The following COL14A1 variants were observed in gnomAD, a reference collection of about 807,000 sequenced individuals.
COL14A1 encodes collagen alpha-1(XIV) chain.
In COL14A1, 136 loss-of-function variants were observed where a neutral mutation model predicts 230.3. The observed-to-expected ratio is 0.59, with a 90% confidence interval of 0.51 to 0.68. The LOEUF (loss-of-function observed/expected upper bound fraction) is 0.68, where lower values mean the gene tolerates loss of function less well. COL14A1 is among the 30% of genes least tolerant of loss of function. COL14A1 has a pLI of 0.00. For synonymous variants in COL14A1, 792 were observed against 784.1 expected, an observed-to-expected ratio of 1.01 and a Z score of -0.17; for missense variants, 1,976 against 2,215.8, an observed-to-expected ratio of 0.89 and a Z score of 2.17.
At position 120,278,123 on chromosome 8, in the gene COL14A1, C is replaced by T. The variant is rs764593772; in HGVS notation, c.3226C>T (p.Gln1076Ter). The T allele has an allele frequency of 3.1e-6, 5 of 1,605,538 alleles. No individual in the cohort carries two copies. Among genetic ancestry groups the T allele is most frequent in the Non-Finnish European group, 4.2e-6 (5 of 1,176,870 alleles). ...CTTCTCTCTCCAGGTTGCAATGGTT[C>T]AGTTCACTGATGATCCCAGAACAGA... ...GTDGTQVAMV[Q>*]FTDDPRTEFK... The change falls in exon 27 of 48, where the codon CAG (glutamine) becomes TAG (stop). Residue 1076 changes from glutamine to a stop codon, truncating the protein, a stop_gained. Coordinates refer to ENST00000297848, the MANE Select transcript of COL14A1 (RefSeq NM_021110.4). LOFTEE classifies it high-confidence loss of function.
chr8:120,262,850 G>A lies in COL14A1; in HGVS notation c.2870-18G>A. On this transcript the variant is annotated intron_variant, in intron 23 of 47. Transcript: ENST00000297848. ...TTTCATATGTGTGTGTTTTTGTTTT[G>A]TTTTGTTTTTATTATAGATAGGCAA... The A allele has an allele frequency of 4.4e-6, 7 of 1,584,260 alleles. No homozygotes were observed. Among genetic ancestry groups the A allele is most frequent in the Non-Finnish European group, 5.1e-6 (6 of 1,172,218 alleles).
intron 8 of COL14A1, among the ~76,000 whole-genome samples, chr8:120,203,013 T>TATATATATAC (rs1554606350): frequency 3.2e-4 from 41 of 126,494 alleles, no homozygotes; most frequent in African/African-American, 1.1e-3. Flanking sequence ...TATATATATA[T>TATATATATAC]ATATATATTT....
chr8:120,252,807 A>G (rs567301389), intron 22 of COL14A1, among the ~76,000 whole-genome samples: 3 of 152,310 alleles, frequency 2.0e-5, no homozygotes, highest in Non-Finnish European at 2.9e-5. Context: ...TCTAATCAAT[A>G]CTGTCAAGCA....
intron 45 of COL14A1, among the ~76,000 whole-genome samples, chr8:120,364,959 C>G (rs1467457633): frequency 6.6e-6 from 1 of 151,220 alleles, no homozygotes; most frequent in African/African-American, 2.4e-5. Context: ...ATAATTGTGT[C>G]TTTAGGCATT....
At chr8:120,330,091 A>C (rs2130198000) in intron 40 of COL14A1, among the ~76,000 whole-genome samples, 1 of 152,290 alleles carries the variant, frequency 6.6e-6, no homozygotes, top group South Asian at 2.1e-4. Flanking sequence ...AGCCCCTTGA[A>C]ACTAGCCACT....
At chr8:120,342,679 A>G (rs1278027809) in intron 44 of COL14A1, among the ~76,000 whole-genome samples, 1 of 152,118 alleles carries the variant, frequency 6.6e-6, no homozygotes, top group African/African-American at 2.4e-5. Flanking sequence ...TGGTCCAAGA[A>G]CTGCCTGTTT....
intron 18 of COL14A1, among the ~76,000 whole-genome samples, chr8:120,230,007 C>T (rs974767196): frequency 2.6e-5 from 4 of 152,066 alleles, no homozygotes; most frequent in African/African-American, 7.2e-5. Flanking sequence ...CAGCCCCCCA[C>T]GTAGCTGGGA....
chr8:120,244,258 T>C (rs1336928622), intron 20 of COL14A1, among the ~76,000 whole-genome samples: 1 of 152,234 alleles, frequency 6.6e-6, no homozygotes, highest in African/African-American at 2.4e-5. Context: ...CATCTTTCTC[T>C]TCCAGAGTTT....
At chr8:120,131,648 T>C (rs1423662852) in intron 1 of COL14A1, among the ~76,000 whole-genome samples, 1 of 152,078 alleles carries the variant, frequency 6.6e-6, no homozygotes, top group African/African-American at 2.4e-5. Context: ...TACTTTCTCC[T>C]ATTCTGTAGA....
intron 36 of COL14A1, among the ~76,000 whole-genome samples, chr8:120,307,366 T>C (rs1304623218): frequency 6.6e-6 from 1 of 152,214 alleles, no homozygotes; most frequent in East Asian, 1.9e-4. Context: ...AGAGAAATGA[T>C]TGATATTCAA....
chr8:120,266,032 T>C (rs1007700611), intron 24 of COL14A1, among the ~76,000 whole-genome samples: 3 of 152,072 alleles, frequency 2.0e-5, no homozygotes, highest in African/African-American at 7.2e-5. Context: ...AGTATTAAAC[T>C]GGGATAGCGA....
intron 42 of COL14A1, among the ~76,000 whole-genome samples, chr8:120,339,140 A>G (rs1822195147): frequency 6.6e-6 from 1 of 152,134 alleles, no homozygotes; most frequent in Non-Finnish European, 1.5e-5. Flanking sequence ...ACGCCCGGCT[A>G]ATTTTTGTAT....
At chr8:120,282,684 G>A (rs1820074707) in intron 31 of COL14A1, among the ~76,000 whole-genome samples, 1 of 152,046 alleles carries the variant, frequency 6.6e-6, no homozygotes. Flanking sequence ...TATGTAAAGG[G>A]TTGTATTTTT....
chr8:120,246,889 T>C (rs894063454), intron 20 of COL14A1, among the ~76,000 whole-genome samples: 4 of 151,932 alleles, frequency 2.6e-5, no homozygotes, highest in Non-Finnish European at 5.9e-5. Flanking sequence ...AAGCAAAAAA[T>C]AAAATCAGAA....
At chr8:120,145,396 A>G (rs1449383217) in intron 1 of COL14A1, among the ~76,000 whole-genome samples, 2 of 152,234 alleles carry the variant, frequency 1.3e-5, no homozygotes, top group African/African-American at 2.4e-5. Flanking sequence ...AGGCGGGTGG[A>G]TCACCTGAGG....
chr8:120,285,940 T>G lies in COL14A1; in HGVS notation c.4047T>G (p.Ile1349Met), dbSNP rs1820186016. Residue 1349 changes from isoleucine (I) to methionine (M), a missense_variant, in exon 33 of 48, where the codon ATT becomes ATG. Physicochemically the swap from Ile to Met is conservative, Grantham distance 10. Around this residue, in one of 3 missense-constraint regions of COL14A1, gnomAD observed 1,791 missense variants for 2,019.5 expected, o/e 0.89. Coordinates refer to ENST00000297848, the MANE Select transcript of COL14A1 (RefSeq NM_021110.4). ...FQTVTFEGPEIRKIFYGSFHK... is the reference protein window; with the variant it reads ...FQTVTFEGPEMRKIFYGSFHK... Reference sequence around the variant, plus strand: ...CTGTTACTTTCGAAGGACCTGAAATTAGGAAAATTTTTTATGGAAGCTTTC... The same window carrying G: ...CTGTTACTTTCGAAGGACCTGAAATGAGGAAAATTTTTTATGGAAGCTTTC... 1 of 1,604,770 alleles carries G rather than the reference T, an allele frequency of 6.2e-7. No individual in the cohort carries two copies. The highest frequency in any genetic ancestry group is 1.1e-5 in the South Asian group (1 of 90,788).
intron 5 of COL14A1, among the ~76,000 whole-genome samples, chr8:120,181,693 A>G (rs1200874612): frequency 6.6e-6 from 1 of 152,228 alleles, no homozygotes; most frequent in Non-Finnish European, 1.5e-5. Flanking sequence ...CACATGTATT[A>G]CAGAAAGGTT....
intron 45 of COL14A1, among the ~76,000 whole-genome samples, chr8:120,353,959 T>C (rs1420431574): frequency 2.1e-5 from 3 of 142,224 alleles, no homozygotes; most frequent in African/African-American, 5.4e-5. Context: ...TATTGCGGCA[T>C]TATTCACAAT....
intron 34 of COL14A1, among the ~76,000 whole-genome samples, chr8:120,292,157 G>A (rs371963716): frequency 9.9e-5 from 15 of 151,814 alleles, no homozygotes; most frequent in African/African-American, 2.2e-4. Flanking sequence ...GTATTTTAAC[G>A]TATACTGTAT....
Sources: allele counts gnomAD v4.1 joint callset (sites outside exome capture counted in the v4.1 genomes callset), GRCh38; gene constraint gnomAD v4.1.1; regional missense constraint gnomAD v4.1.1; transcripts MANE v1.5; gene names NCBI Gene and HGNC (gene_info 2026-07-23, HGNC 2026-07-21).